Variants in STRIP1 observed in about 807,000 individuals in gnomAD.
The protein encoded by STRIP1 is striatin-interacting protein 1.
STRIP1 carries 63 observed loss-of-function variants against 106.2 expected under a neutral mutation model. That is an observed-to-expected ratio of 0.59 (90% CI 0.48 to 0.73). STRIP1 has a LOEUF of 0.73. Among genes scored for constraint, STRIP1 ranks in the 30% least tolerant of loss-of-function variants. The pLI is 0.00. For missense variants in STRIP1, 857 were observed against 1,074.8 expected, an observed-to-expected ratio of 0.80 and a Z score of 2.83; for synonymous variants, 390 against 413.0, an observed-to-expected ratio of 0.94 and a Z score of 0.67.
At chr1:110,043,981 A>G in intron 10 of STRIP1, 125 bp downstream of exon 10, 1 of 904,374 alleles carries the variant, frequency 1.1e-6, no homozygotes, top group Non-Finnish European at 1.8e-6. Flanking sequence ...TGGCTCTGGG[A>G]TGAGGCTCTC....
chr1:110,044,704 C>A, intron 10 of STRIP1, 136 bp from the exon 11 acceptor site: 2 of 821,482 alleles, frequency 2.4e-6, no homozygotes, highest in Admixed American at 3.0e-5. Context: ...TCCCTTTTTT[C>A]AAAGAGAAAA....
intron 1 of STRIP1, among the ~76,000 whole-genome samples, chr1:110,035,054 T>A (rs987200053): frequency 2.0e-5 from 3 of 152,200 alleles, no homozygotes; most frequent in Non-Finnish European, 4.4e-5. Context: ...CGGCGACTGC[T>A]GGTTTGCTCC....
intron 5 of STRIP1, chr1:110,039,843 G>A (rs1341860678): frequency 7.6e-7 from 1 of 1,307,204 alleles, no homozygotes. Context: ...TGTTCGCCCT[G>A]CAGTTTCCGC....
chr1:110,039,233 C>T lies in STRIP1; in HGVS notation c.387C>T (p.Leu129=). Residue 129 remains leucine (L), a synonymous_variant, in exon 4 of 21, where the codon CTC becomes CTT. Transcript: ENST00000369795. ...AGCACCGGACCCATGCCATGAGGCT[C>T]CTGGATGGCTTGGAAGTCACTGCCA... The part of the protein sequence containing the change: ...TNQHRTHAMR[L]LDGLEVTARE... 1.2e-6 allele frequency: 2 copies of T among 1,614,184 alleles called. No individual in the cohort carries two copies. Among genetic ancestry groups the T allele is most frequent in the East Asian group, 2.2e-5 (1 of 44,878 alleles).
rs35857097 is a variant in STRIP1 at position 110,043,255 on chromosome 1, C to A, written c.1053C>A (p.Gly351=). Residue 351 remains glycine (G), a synonymous_variant, in exon 9 of 21, where the codon GGC becomes GGA. Transcript: ENST00000369795. ...SDLIEQQQKR[G]RREHKALIKQ... ...TGATTGAGCAGCAGCAGAAACGGGGCCGCCGAGAGCACAAGGTGAGGACGA... is the reference window on the plus strand; with the variant it reads ...TGATTGAGCAGCAGCAGAAACGGGGACGCCGAGAGCACAAGGTGAGGACGA... The A allele has an allele frequency of 2.7e-4, 431 of 1,611,262 alleles. 1 individual carries two copies. In the African/African-American group the frequency reaches 5.1e-3, roughly 19 times the overall value.
Position 110,050,181 on chromosome 1 carries a change from C to T in STRIP1, c.1890-162C>T, listed in dbSNP as rs1653225945. The T allele has an allele frequency of 1.6e-5, 10 of 633,932 alleles. No individual in the cohort carries two copies. The South Asian group carries it at 1.8e-4, about 11-fold the overall frequency. The allele number at this position is 633,932 out of a possible 1,614,324, so 39.3% of individuals were successfully genotyped here. ...AGTTCTCTTGTAACAGATATTTCCT[C>T]ATCTTATAGGTGGGGAAACTGGGGT... On this transcript the variant is annotated intron_variant, in intron 17 of 20. Transcript: ENST00000369795.
chr1:110,051,199 C>T, intron 19 of STRIP1, 139 bp downstream of exon 19: 1 of 639,732 alleles, frequency 1.6e-6, no homozygotes, highest in East Asian at 2.7e-5. Context: ...TTTTAAGGGC[C>T]AATTCCCAGT....
chr1:110,051,916 G>C (rs1331593763), intron 20 of STRIP1, 29 bp downstream of exon 20: 1 of 1,607,878 alleles, frequency 6.2e-7, no homozygotes, highest in South Asian at 1.1e-5. Context: ...CCAGATTTGG[G>C]TGGGAGTGTG....
At chr1:110,039,966 C>A (rs1652680236) in intron 5 of STRIP1, 3 of 1,156,148 alleles carry the variant, frequency 2.6e-6, no homozygotes, top group African/African-American at 1.6e-5. Flanking sequence ...AAGGATAACA[C>A]CATCAATGAT....
intron 20 of STRIP1, among the ~76,000 whole-genome samples, chr1:110,052,854 C>T (rs1253363605): frequency 6.6e-6 from 1 of 152,198 alleles, no homozygotes; most frequent in African/African-American, 2.4e-5. Flanking sequence ...GCGTGAGCCA[C>T]TGCGCCCGGC....
chr1:110,053,457 C>T (rs2101788791), intron 20 of STRIP1, among the ~76,000 whole-genome samples: 1 of 152,308 alleles, frequency 6.6e-6, no homozygotes, highest in African/African-American at 2.4e-5. Flanking sequence ...ATAATCCCTA[C>T]AGTATAAGCC....
In STRIP1 at chr1:110,046,770, G is replaced by C; in HGVS notation, c.1488+19G>C. On this transcript the variant is annotated intron_variant, in intron 13 of 20. Transcript: ENST00000369795. ...CTCAGGGGTAAGTTGGAGGTCCTCAGTCCGGGCGCGGTGGCTCACGCCTGT... is the reference window on the plus strand; with the variant it reads ...CTCAGGGGTAAGTTGGAGGTCCTCACTCCGGGCGCGGTGGCTCACGCCTGT... 3 of 1,603,422 alleles carry C rather than the reference G, an allele frequency of 1.9e-6. No homozygotes were observed. The East Asian group carries it at 6.7e-5, about 36-fold the overall frequency.
intron 6 of STRIP1, 124 bp downstream of exon 6, chr1:110,040,827 G>A: frequency 2.6e-6 from 2 of 765,110 alleles, no homozygotes; most frequent in East Asian, 2.9e-5. Flanking sequence ...CTGCATGTGT[G>A]ATGGGCTCAG....
Position 110,039,221 on chromosome 1 carries a change from T to A in STRIP1, c.375T>A (p.His125Gln). Reference protein sequence around the residue: ...TELDTNQHRTHAMRLLDGLEV... With the variant: ...TELDTNQHRTQAMRLLDGLEV... ...TGGATACCAACCAGCACCGGACCCA[T>A]GCCATGAGGCTCCTGGATGGCTTGG... Residue 125 changes from histidine (H) to glutamine (Q), a missense_variant, in exon 4 of 21, where the codon CAT becomes CAA. By Grantham distance (24) the His-to-Gln change is conservative. Transcript: ENST00000369795. The A allele has an allele frequency of 6.2e-7, 1 of 1,614,160 alleles. No individual in the cohort carries two copies. Among genetic ancestry groups the A allele is most frequent in the Non-Finnish European group, 8.5e-7 (1 of 1,180,034 alleles).
At chr1:110,053,562 G>T in intron 20 of STRIP1, 103 bp from the exon 21 acceptor site, 9 of 1,483,484 alleles carry the variant, frequency 6.1e-6, no homozygotes, top group Non-Finnish European at 7.3e-6. Flanking sequence ...GAGCTCGGAG[G>T]TATCCTGCTC....
intron 19 of STRIP1, 76 bp downstream of exon 19, chr1:110,051,136 G>T: frequency 1.0e-6 from 1 of 969,768 alleles, no homozygotes; most frequent in South Asian, 1.3e-5. Context: ...GAGTCCCCAG[G>T]GTGGGGCTCA....
chr1:110,047,409 G>A (rs990497927), intron 13 of STRIP1, 133 bp from the exon 14 acceptor site: 18 of 679,806 alleles, frequency 2.6e-5, no homozygotes, highest in Non-Finnish European at 4.8e-5. Context: ...TTGTGTTCAG[G>A]GTTTGCTGTT....
intron 8 of STRIP1, among the ~76,000 whole-genome samples, chr1:110,042,567 T>G (rs539430578): frequency 6.6e-6 from 1 of 152,230 alleles, no homozygotes; most frequent in African/African-American, 2.4e-5. Context: ...CATAAAGCCT[T>G]GCTAAGGCTA....
intron 1 of STRIP1, among the ~76,000 whole-genome samples, chr1:110,036,842 G>C (rs1432813744): frequency 6.6e-6 from 1 of 151,862 alleles, no homozygotes; most frequent in Non-Finnish European, 1.5e-5. Context: ...GTTTTGTTTT[G>C]AGACAGAGTC....
Sources: allele counts gnomAD v4.1 joint callset (sites outside exome capture counted in the v4.1 genomes callset), GRCh38; gene constraint gnomAD v4.1.1; transcripts MANE v1.5; gene names NCBI Gene and HGNC (gene_info 2026-07-23, HGNC 2026-07-21).